Variants in MCF2L observed in about 807,000 individuals in gnomAD.
MCF2L encodes the protein MCF.2 cell line derived transforming sequence like.
MCF2L carries 97 observed loss-of-function variants against 153.4 expected under a neutral mutation model. The ratio of observed to expected loss-of-function variants is 0.63; its 90% CI spans 0.54 to 0.75. The LOEUF (loss-of-function observed/expected upper bound fraction) is 0.75. Ranked by LOEUF, MCF2L falls within the 30% of genes least tolerant of loss-of-function variation. The probability of loss-of-function intolerance (pLI) is 0.00; values close to 1 mark genes in which losing one functional copy is unlikely to be tolerated. For synonymous variants in MCF2L, 659 were observed against 632.2 expected (o/e 1.04, Z -0.64); for missense variants, 1,347 against 1,495.2 (o/e 0.90, Z 1.64).
chr13:112,915,410 C>CCAAAAAAAAA (rs2081281143), intron 2 of MCF2L, among the ~76,000 whole-genome samples: 1 of 86,924 alleles, frequency 1.2e-5, no homozygotes, highest in African/African-American at 5.3e-5. Context: ...CTCTGTCTCA[C>CCAAAAAAAAA]AAAAAAAAAA....
chr13:113,075,742 C>T (rs1195400597), intron 11 of MCF2L, among the ~76,000 whole-genome samples: 1 of 90,402 alleles, frequency 1.1e-5, no homozygotes, highest in Non-Finnish European at 2.6e-5. Flanking sequence ...TGTTGTCCAG[C>T]ACTGTGTCCC....
intron 2 of MCF2L, among the ~76,000 whole-genome samples, chr13:112,931,464 C>T (rs2081462721): frequency 6.6e-6 from 1 of 152,180 alleles, no homozygotes; most frequent in Non-Finnish European, 1.5e-5. Flanking sequence ...AGGCTACACC[C>T]GTGTTGTAAC....
chr13:112,909,328 T>C, intron 2 of MCF2L: 3 of 779,616 alleles, frequency 3.8e-6, no homozygotes, highest in Non-Finnish European at 7.2e-6. Context: ...GAGTACATCC[T>C]TCACCTCTGT....
chr13:113,089,771 C>T lies in MCF2L; in HGVS notation c.2953+43C>T, dbSNP rs370263749. 2.2e-4 allele frequency: 353 copies of T among 1,597,532 alleles called. 2 individuals carry two copies. The highest frequency in any genetic ancestry group is 5.8e-4 in the South Asian group (52 of 90,432). On this transcript the variant is annotated intron_variant, in intron 26 of 29. Transcript: ENST00000535094. Reference sequence around the variant, plus strand: ...CCGGGCCTCACACGGAGGCCTCACACGGAGCTGCTCACGGAGTGCTCACTG... The same window carrying T: ...CCGGGCCTCACACGGAGGCCTCACATGGAGCTGCTCACGGAGTGCTCACTG...
intron 18 of MCF2L, among the ~76,000 whole-genome samples, chr13:113,084,303 C>T (rs1383667925): frequency 6.6e-6 from 1 of 151,852 alleles, no homozygotes; most frequent in Non-Finnish European, 1.5e-5. Context: ...CCCAGAACCT[C>T]CTGTACCCCA....
At chr13:113,090,662 C>T in intron 26 of MCF2L, 1 of 985,488 alleles carries the variant, frequency 1.0e-6, no homozygotes, top group Non-Finnish European at 1.2e-6. Flanking sequence ...GAAATGGGCC[C>T]AGGAGGCCCT....
At chr13:112,898,820 G>A (rs1264149123) in intron 1 of MCF2L, among the ~76,000 whole-genome samples, 1 of 152,172 alleles carries the variant, frequency 6.6e-6, no homozygotes, top group African/African-American at 2.4e-5. Flanking sequence ...CCACCGGTCA[G>A]CATCAGCTGC....
intron 2 of MCF2L, among the ~76,000 whole-genome samples, chr13:112,905,169 C>T (rs931096460): frequency 6.6e-6 from 1 of 152,226 alleles, no homozygotes; most frequent in Non-Finnish European, 1.5e-5. Context: ...TTTACTTCTG[C>T]AGAAGGGTGC....
Position 112,986,699 on chromosome 13 carries a change from G to T in MCF2L, c.79+17241G>T, listed in dbSNP as rs919934541. On this transcript the variant is annotated intron_variant, in intron 1 of 29. Transcript: ENST00000535094. ...GCCCCATCGGAGGGTCTGCTGGGCG[G>T]GCCTGCCTGCCTGTGGGTGGACACT... Among the ~76,000 whole-genome samples the T allele has an allele frequency of 2.6e-5, 4 of 152,230 alleles. No homozygotes were observed. In the East Asian group the frequency reaches 5.8e-4, roughly 22 times the overall value.
At position 113,078,397 on chromosome 13, in the gene MCF2L, G is replaced by C. The variant is rs753750003; in HGVS notation, c.1695G>C (p.Glu565Asp). Residue 565 changes from glutamate to aspartate, a missense_variant, in exon 14 of 30, where the codon GAG becomes GAC. Glu to Asp is a conservative substitution (Grantham distance 45). This residue lies in a region of MCF2L where 820 missense variants were observed against 921.2 expected (regional missense o/e 0.89). Transcript: ENST00000535094. ...IRRGSENSSS[E>D]GGALRRGPYR... The stretch of plus-strand genomic sequence containing the variant: ...GAGGCTCTGAGAACTCCAGCTCCGA[G>C]GGCGGTGCGCTCCGGAGAGGGCCCT... 3.1e-6 allele frequency: 5 copies of C among 1,613,096 alleles called. No homozygotes were observed. Among genetic ancestry groups the C allele is most frequent in the Middle Eastern group, 1.6e-4 (1 of 6,078 alleles).
At chr13:112,919,043 G>A (rs892983470) in intron 2 of MCF2L, among the ~76,000 whole-genome samples, 17 of 152,132 alleles carry the variant, frequency 1.1e-4, no homozygotes, top group Admixed American at 7.2e-4. Flanking sequence ...TGTGGGCCCC[G>A]TGCCTCTCTT....
chr13:112,993,287 G>T lies in MCF2L; in HGVS notation c.80-21476G>T, dbSNP rs922014462. ...CGGGGGAGCGCCGGGCACACAACATGGTGGGTGTTCCTGGGCAGAGGCTTG... is the reference window on the plus strand; with the variant it reads ...CGGGGGAGCGCCGGGCACACAACATTGTGGGTGTTCCTGGGCAGAGGCTTG... On this transcript the variant is annotated intron_variant, in intron 1 of 29. Coordinates refer to ENST00000535094, the MANE Select transcript of MCF2L (RefSeq NM_001112732.3). This position sits in a 1 kb window ranked among gnomAD's most constrained non-coding sequence, Gnocchi z 4.6. Among the ~76,000 whole-genome samples, 4 of 152,366 alleles carry T rather than the reference G, an allele frequency of 2.6e-5. No individual in the cohort carries two copies. In the East Asian group the frequency reaches 7.7e-4, roughly 29 times the overall value.
At chr13:112,981,842 C>T (rs9549328) in intron 1 of MCF2L, among the ~76,000 whole-genome samples, 32,212 of 152,230 alleles carry the variant, frequency 0.21, 3,556 homozygotes, top group South Asian at 0.26. Flanking sequence ...GAGCCTTGTC[C>T]GGCCCCCTCC....
chr13:113,066,779 G>T (rs1053268746), intron 8 of MCF2L, among the ~76,000 whole-genome samples: 1 of 151,870 alleles, frequency 6.6e-6, no homozygotes, highest in African/African-American at 2.4e-5. Context: ...TCGCTGGTGG[G>T]TGCTATCAGC....
At chr13:113,025,832 T>C (rs377239383) in intron 3 of MCF2L, among the ~76,000 whole-genome samples, 123 of 104,436 alleles carry the variant, frequency 1.2e-3, no homozygotes, top group Middle Eastern at 7.2e-3. Context: ...GGGCAGAGTC[T>C]CTGTGAGGTT....
intron 2 of MCF2L, among the ~76,000 whole-genome samples, chr13:112,913,053 C>A (rs1180073659): frequency 1.4e-5 from 2 of 142,216 alleles, no homozygotes; most frequent in Non-Finnish European, 3.0e-5. Flanking sequence ...TGTGGTGTAT[C>A]TGTGTATATG....
intron 9 of MCF2L, among the ~76,000 whole-genome samples, chr13:113,073,732 T>C (rs1325349471): frequency 6.6e-6 from 1 of 152,094 alleles, no homozygotes; most frequent in Non-Finnish European, 1.5e-5. Context: ...CTGGCCAACA[T>C]GGTGAAACCC....
At chr13:113,033,075 T>C (rs1420956326) in intron 3 of MCF2L, among the ~76,000 whole-genome samples, 1 of 81,006 alleles carries the variant, frequency 1.2e-5, no homozygotes, top group Admixed American at 1.5e-4. Context: ...CCTGTGACAT[T>C]AGTGGACCCC....
chr13:113,000,699 C>A (rs997459685), intron 1 of MCF2L, among the ~76,000 whole-genome samples: 3 of 152,222 alleles, frequency 2.0e-5, no homozygotes, highest in African/African-American at 7.2e-5. Context: ...TCAGCCACCC[C>A]CAGAAGCCGG....
Sources: allele counts gnomAD v4.1 joint callset (sites outside exome capture counted in the v4.1 genomes callset), GRCh38; gene constraint gnomAD v4.1.1; regional missense constraint gnomAD v4.1.1; non-coding constraint Gnocchi (gnomAD v3.1); transcripts MANE v1.5; gene names NCBI Gene and HGNC (gene_info 2026-07-23, HGNC 2026-07-21).